Variants in CLUAP1 observed in about 807,000 individuals in gnomAD.
The protein encoded by CLUAP1 is clusterin-associated protein 1.
Under a neutral mutation model 55.0 loss-of-function variants are expected in CLUAP1, and 50 were observed. That is an observed-to-expected ratio of 0.91 (90% CI 0.72 to 1.15). The LOEUF (loss-of-function observed/expected upper bound fraction) is 1.15. Ranked by LOEUF, CLUAP1 falls within the 50% of genes most tolerant of loss-of-function variation. CLUAP1 has a pLI of 0.00. For missense variants in CLUAP1, 530 were observed against 507.6 expected (o/e 1.04, Z -0.42); for synonymous variants, 195 against 175.4 (o/e 1.11, Z -0.88).
chr16:3,522,217 G>A (rs765846920), intron 7 of CLUAP1, among the ~76,000 whole-genome samples: 3 of 152,130 alleles, frequency 2.0e-5, no homozygotes, highest in Non-Finnish European at 4.4e-5. Context: ...AGGCTGGAGT[G>A]CAGTGGCGCA....
intron 6 of CLUAP1, among the ~76,000 whole-genome samples, chr16:3,517,825 A>G (rs1237417432): frequency 2.0e-5 from 3 of 152,180 alleles, no homozygotes; most frequent in South Asian, 2.1e-4. Context: ...GGGGCATTCT[A>G]CAGATTAACC....
intron 10 of CLUAP1, among the ~76,000 whole-genome samples, 198 bp downstream of exon 10, chr16:3,530,873 C>G (rs1183557938): frequency 6.6e-6 from 1 of 152,184 alleles, no homozygotes; most frequent in East Asian, 1.9e-4. Flanking sequence ...TGCTCCTTGT[C>G]TGTGATCCCA....
At chr16:3,501,392 G>A (rs75113195) in intron 1 of CLUAP1, among the ~76,000 whole-genome samples, 7,080 of 152,318 alleles carry the variant, frequency 0.046, 305 homozygotes, top group African/African-American at 0.11. Flanking sequence ...ATTTATTTCT[G>A]TTTGTGTAGC....
intron 4 of CLUAP1, among the ~76,000 whole-genome samples, chr16:3,511,827 G>C (rs1400054476): frequency 6.6e-6 from 1 of 152,208 alleles, no homozygotes; most frequent in East Asian, 1.9e-4. Context: ...GCACATGTTT[G>C]TGGTCACGTG....
Position 3,523,266 on chromosome 16 carries a change from A to C in CLUAP1, c.822A>C (p.Glu274Asp), listed in dbSNP as rs1327693647. 6.2e-7 allele frequency: 1 copy of C among 1,613,540 alleles called. No homozygotes were observed. The highest frequency in any genetic ancestry group is 8.5e-7 in the Non-Finnish European group (1 of 1,179,918). Reference sequence around the variant, plus strand: ...TGACTTATCTGGAACAACAGCTTGAAGACCATCATAGGATGGAGCAAGAAA... The same window carrying C: ...TGACTTATCTGGAACAACAGCTTGACGACCATCATAGGATGGAGCAAGAAA... ...QNLTYLEQQL[E>D]DHHRMEQERF... is the part of the protein sequence containing the mutation. The change falls in exon 8 of 12, where the codon GAA becomes GAC. Residue 274 changes from glutamate (E) to aspartate (D), a missense_variant. Glu to Asp is a conservative substitution (Grantham distance 45). Transcript: ENST00000576634.
chr16:3,506,298 A>ACCCGTGCTCTCT, intron 2 of CLUAP1, 33 bp from the exon 3 acceptor site: 1 of 1,553,598 alleles, frequency 6.4e-7, no homozygotes, highest in Non-Finnish European at 8.9e-7. Context: ...TCCTTGGTTA[A>ACCCGTGCTCTCT]CCCGTGCTCT....
At chr16:3,526,599 G>T in intron 9 of CLUAP1, 115 bp downstream of exon 9, 3 of 497,134 alleles carry the variant, frequency 6.0e-6, no homozygotes, top group East Asian at 1.1e-4. Context: ...CTTTTTTTCA[G>T]CAGTTTTTTT....
At chr16:3,523,879 T>C (rs1174336494) in intron 8 of CLUAP1, among the ~76,000 whole-genome samples, 1 of 152,114 alleles carries the variant, frequency 6.6e-6, no homozygotes, top group African/African-American at 2.4e-5. Flanking sequence ...GACAGGAGAA[T>C]CGTTTGAACA....
At chr16:3,495,509 C>T in the CLUAP1 span, 5 of 1,555,528 alleles carry the variant, frequency 3.2e-6, no homozygotes, top group African/African-American at 4.1e-5. Context: ...ATTGGCAGGT[C>T]TCCCCTGGCA....
At chr16:3,521,197 G>T (rs928536315) in intron 7 of CLUAP1, among the ~76,000 whole-genome samples, 1 of 151,000 alleles carries the variant, frequency 6.6e-6, no homozygotes. Flanking sequence ...AGTCATTGCC[G>T]CCATATAGAT....
chr16:3,498,575 C>T (rs1245343595), upstream of CLUAP1, among the ~76,000 whole-genome samples: 2 of 152,094 alleles, frequency 1.3e-5, no homozygotes. Context: ...TTGGGACACT[C>T]AGGTGGTCAG....
rs537993687 is a variant in CLUAP1 at position 3,505,495 on chromosome 16, C to T, written c.134+664C>T. On this transcript the variant is annotated intron_variant, in intron 2 of 11. Transcript: ENST00000576634. ...CAGTGAGCCGAAGTGTGCAGTGAGC[C>T]GAGATAGCGCCACTGCAGTTCAGCC... Among the ~76,000 whole-genome samples, 7 of 145,964 alleles carry T rather than the reference C, an allele frequency of 4.8e-5. No homozygotes were observed. In the South Asian group the frequency reaches 1.3e-3, roughly 27 times the overall value.
intron 9 of CLUAP1, among the ~76,000 whole-genome samples, chr16:3,529,455 TATATATA>T (rs1159954784): frequency 5.8e-5 from 4 of 69,136 alleles, no homozygotes; most frequent in Admixed American, 2.5e-4. Flanking sequence ...TATATATTAT[TATATATA>T]ATATATATTA....
chr16:3,504,835 C>G lies in CLUAP1; in HGVS notation c.134+4C>G, dbSNP rs375525130. 23 of 1,515,574 alleles carry G rather than the reference C, an allele frequency of 1.5e-5. No homozygotes were observed. Among genetic ancestry groups the G allele is most frequent in the Non-Finnish European group, 2.0e-5 (22 of 1,090,430 alleles). 93.9% of individuals were successfully genotyped at this position (1,515,574 alleles called of 1,614,324 possible). ...TGCTTCTCTGGCTTGTGAAAAGGTT[C>G]GAACGGCACTTTATTGACATCTAAG... is the stretch of plus-strand genomic sequence containing the variant. On this transcript the variant is annotated splice_donor_region_variant and intron_variant, in intron 2 of 11. Transcript: ENST00000576634.
Position 3,530,548 on chromosome 16 carries a change from C to T in CLUAP1, c.929-20C>T. On this transcript the variant is annotated intron_variant, in intron 9 of 11. Transcript: ENST00000576634. ...ATCATGAAGCCACTCCTTTGTTTTG[C>T]CTGCTTGTGTTCCTGCTAGGTAACG... is the stretch of plus-strand genomic sequence containing the variant. 2 of 1,594,092 alleles carry T rather than the reference C, an allele frequency of 1.3e-6. No homozygotes were observed. The highest frequency in any genetic ancestry group is 1.7e-6 in the Non-Finnish European group (2 of 1,162,184).
At chr16:3,506,072 G>A (rs1292909127) in intron 2 of CLUAP1, among the ~76,000 whole-genome samples, 1 of 152,352 alleles carries the variant, frequency 6.6e-6, no homozygotes, top group Non-Finnish European at 1.5e-5. Context: ...TTAGCTTCAT[G>A]ACATGGTGAG....
At chr16:3,528,686 C>T (rs925932616) in intron 9 of CLUAP1, among the ~76,000 whole-genome samples, 5 of 152,132 alleles carry the variant, frequency 3.3e-5, no homozygotes, top group African/African-American at 9.7e-5. Flanking sequence ...CAAGATTTAC[C>T]TTTGTGTTTT....
At chr16:3,504,405 G>A (rs2151040710) in intron 1 of CLUAP1, among the ~76,000 whole-genome samples, 1 of 152,212 alleles carries the variant, frequency 6.6e-6, no homozygotes, top group African/African-American at 2.4e-5. Flanking sequence ...TATAAGGACG[G>A]GTGTTTCTTC....
intron 4 of CLUAP1, 51 bp downstream of exon 4, chr16:3,508,519 G>T: frequency 6.8e-7 from 1 of 1,463,192 alleles, no homozygotes; most frequent in Non-Finnish European, 9.0e-7. Context: ...GATTTCTTGA[G>T]CTCTGAAGTG....
Sources: gnomAD v4.1 joint callset for allele counts (sites outside exome capture counted in the v4.1 genomes callset) on GRCh38, gnomAD v4.1.1 for gene constraint, MANE v1.5 for transcripts, NCBI Gene and HGNC (gene_info 2026-07-23, HGNC 2026-07-21) for gene names.